The following PGAP1 variants were observed in gnomAD, a reference collection of about 807,000 sequenced individuals.
PGAP1 encodes the protein post-GPI attachment to proteins inositol deacylase 1.
A neutral mutation model predicts 127.0 loss-of-function variants in PGAP1; 76 were observed. The observed-to-expected ratio is 0.60, with a 90% CI of 0.50 to 0.72. The LOEUF (loss-of-function observed/expected upper bound fraction) is 0.72, where lower values mean the gene tolerates loss of function less well. Ranked by LOEUF, PGAP1 falls within the 30% of genes least tolerant of loss-of-function variation. The pLI is 0.00. For synonymous variants in PGAP1, 362 were observed against 366.5 expected (o/e 0.99, Z 0.14); for missense variants, 982 against 1,071.3 (o/e 0.92, Z 1.16).
rs368177721 is a variant in PGAP1, at chr2:196,839,816, G to A, written c.*1418C>T. 4 of 152,164 alleles carry A rather than the reference G, an allele frequency of 2.6e-5. No individual in the cohort carries two copies. The highest frequency in any genetic ancestry group is 7.2e-5 in the African/African-American group (3 of 41,432). 9.4% of individuals were successfully genotyped at this position (152,164 alleles called of 1,614,324 possible). A position where few individuals can be genotyped will look rare whatever the true frequency, so the allele number is the denominator to read the frequency against. On this transcript the variant is annotated 3_prime_UTR_variant, in exon 27 of 27. Coordinates refer to ENST00000354764, the MANE Select transcript of PGAP1 (RefSeq NM_024989.4). ...GGCAGATAAAATAAAACTGGTGCTC[G>A]AGGACATCCCTGGGTACTAACAAGG...
At chr2:196,896,848 A>C (rs1028331496) in intron 7 of PGAP1, among the ~76,000 whole-genome samples, 2 of 151,556 alleles carry the variant, frequency 1.3e-5, no homozygotes, top group Non-Finnish European at 2.9e-5. Flanking sequence ...AAAAAAAAAA[A>C]AAAGGAAGGA....
intron 6 of PGAP1, among the ~76,000 whole-genome samples, 194 bp from the exon 7 acceptor site, chr2:196,897,391 T>C (rs1702317124): frequency 6.6e-6 from 1 of 152,162 alleles, no homozygotes; most frequent in Non-Finnish European, 1.5e-5. Flanking sequence ...GCAAATTAAA[T>C]CTTCCTGGAT....
Position 196,843,947 on chromosome 2 carries a change from T to C in PGAP1, c.2466A>G (p.Leu822=), listed in dbSNP as rs1203029341. 6.3e-7 allele frequency: 1 copy of C among 1,593,858 alleles called. No homozygotes were observed. The highest frequency in any genetic ancestry group is 1.7e-5 in the Admixed American group (1 of 58,520). The stretch of plus-strand genomic sequence containing the variant: ...TGCTGAGTAATACAATCCATGTTAG[T>C]AAGTTAATCACAGTACTGTGCATGC... ...SLRMHSTVIN[L]LTWIVLLSMP... Residue 822 remains leucine (L), a synonymous_variant, in exon 25 of 27, where the codon TTA becomes TTG. Transcript: ENST00000354764.
intron 21 of PGAP1, 24 bp downstream of exon 21, chr2:196,847,923 A>G: frequency 6.9e-7 from 1 of 1,447,900 alleles, no homozygotes; most frequent in Non-Finnish European, 9.4e-7. Context: ...AATTAAAATC[A>G]TTATCACAGA....
chr2:196,917,233 T>TA (rs1386476328), intron 2 of PGAP1, among the ~76,000 whole-genome samples: 1 of 152,208 alleles, frequency 6.6e-6, no homozygotes, highest in African/African-American at 2.4e-5. Flanking sequence ...AAATATATTA[T>TA]AAATTGCTTA....
intron 20 of PGAP1, among the ~76,000 whole-genome samples, chr2:196,864,724 G>A (rs570820178): frequency 6.3e-4 from 96 of 152,246 alleles, no homozygotes; most frequent in Non-Finnish European, 3.1e-4. Flanking sequence ...GTGGTTGATA[G>A]TGGAAACGTA....
intron 19 of PGAP1, 59 bp from the exon 20 acceptor site, chr2:196,865,139 T>G: frequency 1.1e-6 from 1 of 947,490 alleles, no homozygotes; most frequent in Non-Finnish European, 1.6e-6. Flanking sequence ...AAGTGTACTT[T>G]CACATAAAAT....
intron 14 of PGAP1, among the ~76,000 whole-genome samples, chr2:196,874,878 T>C (rs1701516566): frequency 6.6e-6 from 1 of 152,070 alleles, no homozygotes; most frequent in Admixed American, 6.5e-5. Context: ...TAGCTGAGCA[T>C]GGTGTCACAT....
chr2:196,924,350 A>G (rs879442279), intron 1 of PGAP1, among the ~76,000 whole-genome samples: 7 of 152,214 alleles, frequency 4.6e-5, no homozygotes, highest in Admixed American at 2.0e-4. Context: ...TATAAAATAT[A>G]ATTAAAAGTA....
chr2:196,890,788 T>C lies in PGAP1; in HGVS notation c.1173+40A>G, dbSNP rs375325142. 1.3e-4 allele frequency: 145 copies of C among 1,155,758 alleles called. 1 individual carries two copies. In the Middle Eastern group the frequency reaches 1.4e-3, roughly 11 times the overall value. 71.6% of individuals were successfully genotyped at this position (1,155,758 alleles called of 1,614,324 possible). On this transcript the variant is annotated intron_variant, in intron 10 of 26. Coordinates refer to ENST00000354764, the MANE Select transcript of PGAP1 (RefSeq NM_024989.4). ...TAGAATTTGAAAAATGAACAACAGT[T>C]AGCCTCTTAAATTTACATAAAATGT...
At chr2:196,912,720 T>C (rs927562687) in intron 4 of PGAP1, among the ~76,000 whole-genome samples, 162 bp downstream of exon 4, 7 of 150,568 alleles carry the variant, frequency 4.6e-5, no homozygotes, top group Non-Finnish European at 8.8e-5. Flanking sequence ...AGTTCAATAA[T>C]ATAAAGAGAC....
At chr2:196,904,061 G>C (rs995767151) in intron 4 of PGAP1, among the ~76,000 whole-genome samples, 1 of 152,148 alleles carries the variant, frequency 6.6e-6, no homozygotes, top group African/African-American at 2.4e-5. Flanking sequence ...TGTCTAGATA[G>C]TTTAAAAAGT....
intron 4 of PGAP1, among the ~76,000 whole-genome samples, chr2:196,905,351 T>A (rs1243636280): frequency 6.6e-6 from 1 of 152,196 alleles, no homozygotes; most frequent in Non-Finnish European, 1.5e-5. Flanking sequence ...TACAACAAAT[T>A]TAAACAACTT....
At chr2:196,862,071 C>G (rs1417101531) in intron 20 of PGAP1, among the ~76,000 whole-genome samples, 2 of 151,880 alleles carry the variant, frequency 1.3e-5, no homozygotes, top group East Asian at 3.8e-4. Context: ...AGAGAGATAA[C>G]CTTAAACTGA....
intron 4 of PGAP1, 120 bp from the exon 5 acceptor site, chr2:196,902,862 C>G (rs1702543047): frequency 4.8e-6 from 3 of 625,888 alleles, no homozygotes; most frequent in Non-Finnish European, 7.8e-6. Context: ...CATCTATAAA[C>G]AGTTGAGTTA....
intron 1 of PGAP1, among the ~76,000 whole-genome samples, chr2:196,925,127 A>T (rs1400046192): frequency 6.6e-6 from 1 of 152,232 alleles, no homozygotes. Flanking sequence ...CTTCGATAGC[A>T]TCCCTACCAA....
chr2:196,911,606 T>TAAAAAAAAA (rs56107551), intron 4 of PGAP1, among the ~76,000 whole-genome samples: 5 of 77,294 alleles, frequency 6.5e-5, no homozygotes, highest in Non-Finnish European at 1.2e-4. Context: ...TAGAGTATAA[T>TAAAAAAAAA]AAAAAAAAAA....
intron 5 of PGAP1, among the ~76,000 whole-genome samples, 174 bp downstream of exon 5, chr2:196,902,411 T>TCATTCATG (rs1702526887): frequency 6.6e-6 from 1 of 152,090 alleles, no homozygotes; most frequent in Non-Finnish European, 1.5e-5. Context: ...ATTCATTCAT[T>TCATTCATG]CATTTTCTCT....
intron 7 of PGAP1, among the ~76,000 whole-genome samples, chr2:196,896,469 T>C (rs993158286): frequency 6.6e-6 from 1 of 152,002 alleles, no homozygotes; most frequent in African/African-American, 2.4e-5. Flanking sequence ...AAAAAATGTC[T>C]AATAAGATAG....
Sources: allele counts gnomAD v4.1 joint callset (sites outside exome capture counted in the v4.1 genomes callset), GRCh38; gene constraint gnomAD v4.1.1; transcripts MANE v1.5; gene names NCBI Gene and HGNC (gene_info 2026-07-23, HGNC 2026-07-21).